The following GALK2 variants were observed in gnomAD, a reference collection of about 807,000 sequenced individuals.
GALK2 encodes galactokinase 2, also known as N-acetylgalactosamine kinase.
Under a neutral mutation model 52.4 loss-of-function variants are expected in GALK2, and 36 were observed. The ratio of observed to expected loss-of-function variants is 0.69; its 90% CI spans 0.53 to 0.91. GALK2 has a LOEUF of 0.91. GALK2 is among the 40% of genes least tolerant of loss of function. The pLI is 0.00. For missense variants in GALK2, 579 were observed against 559.1 expected (o/e 1.04, Z -0.36); for synonymous variants, 176 against 199.1 (o/e 0.88, Z 0.98).
chr15:49,212,216 C>T (rs184025906), intron 2 of GALK2, among the ~76,000 whole-genome samples: 24 of 152,274 alleles, frequency 1.6e-4, no homozygotes, highest in Middle Eastern at 3.4e-3. Flanking sequence ...CCTCAGCCTC[C>T]CGAGTAGCTG....
chr15:49,155,922 C>A, exon 1 of GALK2: 1 of 1,524,812 alleles, frequency 6.6e-7, no homozygotes, highest in Non-Finnish European at 9.1e-7. Context: ...TTGCTTGGGA[C>A]TCTGGACGCA....
chr15:49,176,419 C>G (rs1256861617), intron 1 of GALK2, among the ~76,000 whole-genome samples: 1 of 152,200 alleles, frequency 6.6e-6, no homozygotes, highest in Non-Finnish European at 1.5e-5. Context: ...TCCTGGGTTG[C>G]AATCTTCAAA....
In GALK2 at chr15:49,235,709, T is replaced by C. The variant is rs937059222; in HGVS notation, c.267-142T>C. On this transcript the variant is annotated intron_variant, in intron 3 of 9. Coordinates refer to ENST00000560031, the MANE Select transcript of GALK2 (RefSeq NM_002044.4). ...TTAACTCTTAGCAGCTGGAGATGTT[T>C]TGCTGTAGACACACAGTTTGAACAT... 5.2e-6 allele frequency: 4 copies of C among 771,590 alleles called. No homozygotes were observed. The East Asian group carries it at 9.7e-5, about 19-fold the overall frequency. 47.8% of individuals were successfully genotyped at this position (771,590 alleles called of 1,614,324 possible).
At chr15:49,211,744 A>G (rs2088911974) in intron 2 of GALK2, among the ~76,000 whole-genome samples, 1 of 152,182 alleles carries the variant, frequency 6.6e-6, no homozygotes, top group African/African-American at 2.4e-5. Context: ...AGGGAGGGGA[A>G]GTGCTATACT....
chr15:49,211,763 T>G (rs1488649505), intron 2 of GALK2, among the ~76,000 whole-genome samples: 1 of 152,132 alleles, frequency 6.6e-6, no homozygotes, highest in African/African-American at 2.4e-5. Context: ...CTCTTTTAAA[T>G]GATCAGATCT....
At chr15:49,266,425 G>A (rs2092363602) in intron 5 of GALK2, among the ~76,000 whole-genome samples, 1 of 152,112 alleles carries the variant, frequency 6.6e-6, no homozygotes, top group African/African-American at 2.4e-5. Flanking sequence ...CTAATATAAT[G>A]GAGCTGGGTT....
At chr15:49,316,256 C>T (rs557374660) in intron 8 of GALK2, among the ~76,000 whole-genome samples, 2 of 152,194 alleles carry the variant, frequency 1.3e-5, no homozygotes, top group East Asian at 1.9e-4. Flanking sequence ...TAAGGAACCA[C>T]TGGTAATTTT....
chr15:49,191,915 T>C (rs1164659435), intron 1 of GALK2, among the ~76,000 whole-genome samples: 1 of 152,168 alleles, frequency 6.6e-6, no homozygotes, highest in East Asian at 1.9e-4. Context: ...TGTAAGGAAA[T>C]GCTTTTCCTT....
intron 1 of GALK2, among the ~76,000 whole-genome samples, chr15:49,176,866 A>G (rs2085501456): frequency 6.6e-6 from 1 of 152,198 alleles, no homozygotes; most frequent in Admixed American, 6.6e-5. Flanking sequence ...GAAACTTTCC[A>G]CAGCTTCTAT....
At position 49,330,172 on chromosome 15, in the gene GALK2, C is replaced by T. The variant is rs1476134296; in HGVS notation, c.*2013C>T. On this transcript the variant is annotated 3_prime_UTR_variant, in exon 10 of 10. Coordinates refer to ENST00000560031, the MANE Select transcript of GALK2 (RefSeq NM_002044.4). Reference sequence around the variant, plus strand: ...CTGTGGAGTGCACACTGCAGATGAGCAAAGCCTATGGGTATAGGCAAACAT... The same window carrying T: ...CTGTGGAGTGCACACTGCAGATGAGTAAAGCCTATGGGTATAGGCAAACAT... The T allele has an allele frequency of 1.3e-5, 2 of 152,200 alleles. No homozygotes were observed. Among genetic ancestry groups the T allele is most frequent in the Non-Finnish European group, 2.9e-5 (2 of 68,080 alleles). 9.4% of individuals were successfully genotyped at this position (152,200 alleles called of 1,614,324 possible).
At chr15:49,220,162 T>C (rs1291142056) in intron 3 of GALK2, among the ~76,000 whole-genome samples, 1 of 150,330 alleles carries the variant, frequency 6.7e-6, no homozygotes, top group Non-Finnish European at 1.5e-5. Flanking sequence ...CAATACATGG[T>C]TGATAACTAT....
rs557205603 is a variant in GALK2, at chr15:49,268,612, A to G, written c.505-13375A>G. Among the ~76,000 whole-genome samples, 87 of 152,342 alleles carry G rather than the reference A, an allele frequency of 5.7e-4. 1 individual carries two copies. The highest frequency in any genetic ancestry group is 2.7e-3 in the Admixed American group (41 of 15,306). ...GCAGGCTGCTGTTTGGTCCAGTAGC[A>G]GGGAGCCCATTATCCACCTTGCAAA... is the stretch of plus-strand genomic sequence containing the variant. On this transcript the variant is annotated intron_variant, in intron 5 of 9. Coordinates refer to ENST00000560031, the MANE Select transcript of GALK2 (RefSeq NM_002044.4).
intron 1 of GALK2, among the ~76,000 whole-genome samples, chr15:49,186,198 TC>T (rs2086324391): frequency 6.6e-6 from 1 of 152,200 alleles, no homozygotes; most frequent in African/African-American, 2.4e-5. Flanking sequence ...AAACGTCCTA[TC>T]CCAGTCTCTC....
chr15:49,328,077 G>GTGA lies in GALK2; in HGVS notation c.1298_1300dup (p.Asp433dup), dbSNP rs1356834356. On this transcript the variant is annotated inframe_insertion, in exon 10 of 10. Coordinates refer to ENST00000560031, the MANE Select transcript of GALK2 (RefSeq NM_002044.4). ...GTGCACAAAGCTTATTACCAGAGGA[G>GTGA]TGATGGAAGCTTAGCACCGGAGAAG... The GTGA allele has an allele frequency of 4.3e-6, 7 of 1,614,092 alleles. No individual in the cohort carries two copies. The highest frequency in any genetic ancestry group is 1.7e-4 in the Middle Eastern group (1 of 6,060).
chr15:49,228,693 T>A (rs1293059943), intron 3 of GALK2, among the ~76,000 whole-genome samples: 62 of 42,498 alleles, frequency 1.5e-3, no homozygotes, highest in African/African-American at 3.0e-3. Flanking sequence ...ATATATTTTT[T>A]TTTTTTTTTT....
chr15:49,199,304 T>TA, intron 1 of GALK2: 1 of 152,324 alleles, frequency 6.6e-6, no homozygotes, highest in Admixed American at 6.5e-5. Flanking sequence ...ATAGATAACT[T>TA]AAAGTTTGGC....
intron 1 of GALK2, among the ~76,000 whole-genome samples, chr15:49,193,253 C>T (rs1245340896): frequency 6.6e-6 from 1 of 151,952 alleles, no homozygotes; most frequent in Non-Finnish European, 1.5e-5. Context: ...TCGCCTTGGC[C>T]TCCCAAAGTG....
Position 49,295,335 on chromosome 15 carries a change from A to ATC in GALK2, c.967+2799_967+2800insCT, listed in dbSNP as rs1454051128. On this transcript the variant is annotated intron_variant, in intron 8 of 9. Coordinates refer to ENST00000560031, the MANE Select transcript of GALK2 (RefSeq NM_002044.4). ...TCTCTCTCTCTCTCTCTCTCTATCT[A>ATC]TATATATATATAGATAGATAGATAG... Among the ~76,000 whole-genome samples the ATC allele has an allele frequency of 5.8e-3, 863 of 147,870 alleles. 14 individuals are homozygous for ATC. The highest frequency in any genetic ancestry group is 0.02 in the African/African-American group (821 of 40,084).
intron 1 of GALK2, among the ~76,000 whole-genome samples, chr15:49,190,120 A>C (rs1297726565): frequency 6.6e-6 from 1 of 152,212 alleles, no homozygotes; most frequent in Non-Finnish European, 1.5e-5. Context: ...AAAACTTCGA[A>C]ATGGACCAAA....
Sources: allele counts gnomAD v4.1 joint callset (sites outside exome capture counted in the v4.1 genomes callset), GRCh38; gene constraint gnomAD v4.1.1; transcripts MANE v1.5; gene names NCBI Gene and HGNC (gene_info 2026-07-23, HGNC 2026-07-21).